The following CDH3 variants were observed in gnomAD, a reference collection of about 807,000 sequenced individuals.
The protein encoded by CDH3 is cadherin-3.
Under a neutral mutation model 82.0 loss-of-function variants are expected in CDH3, and 54 were observed. That is an observed-to-expected ratio of 0.66 (90% CI 0.53 to 0.83). The LOEUF is 0.83. Among genes scored for constraint, CDH3 ranks in the 40% least tolerant of loss-of-function variants. The pLI is 0.00. For missense variants in CDH3, 1,054 were observed against 1,084.6 expected, an observed-to-expected ratio of 0.97 and a Z score of 0.40; for synonymous variants, 446 against 437.9, an observed-to-expected ratio of 1.02 and a Z score of -0.23.
chr16:68,724,167 G>A (rs547655468), intron 2 of CDH3, among the ~76,000 whole-genome samples: 15 of 152,040 alleles, frequency 9.9e-5, no homozygotes, highest in Non-Finnish European at 2.1e-4. Flanking sequence ...CCTAGGAGGT[G>A]GAGGTTGCAG....
At chr16:68,729,538 A>G (rs896352870), downstream of CDH3, among the ~76,000 whole-genome samples, 1 of 152,206 alleles carries the variant, frequency 6.6e-6, no homozygotes, top group Non-Finnish European at 1.5e-5. Flanking sequence ...AAAAAGATGA[A>G]CAAAAAGGGA....
intron 2 of CDH3, among the ~76,000 whole-genome samples, chr16:68,666,413 C>T (rs1364316912): frequency 2.6e-5 from 4 of 152,174 alleles, no homozygotes; most frequent in African/African-American, 9.7e-5. Context: ...CTGCCCCAAG[C>T]TTGCTAGGCA....
At chr16:68,648,767 C>T (rs1960153582) in intron 2 of CDH3, among the ~76,000 whole-genome samples, 1 of 152,022 alleles carries the variant, frequency 6.6e-6, no homozygotes, top group Non-Finnish European at 1.5e-5. Flanking sequence ...TTTTTTACTA[C>T]CAGAAAGCAG....
chr16:68,657,383 G>A (rs946595612), intron 2 of CDH3, among the ~76,000 whole-genome samples: 7 of 152,222 alleles, frequency 4.6e-5, no homozygotes, highest in African/African-American at 7.2e-5. Flanking sequence ...GCATGGTGGC[G>A]TGTGCCTGTA....
the CDH3 span, among the ~76,000 whole-genome samples, chr16:68,733,003 T>C: frequency 5.3e-5 from 8 of 151,732 alleles, no homozygotes; most frequent in Non-Finnish European, 1.2e-4. Flanking sequence ...CAGCTCACAA[T>C]TTTTCCTAGA....
At position 68,689,687 on chromosome 16, in the gene CDH3, G is replaced by T. The variant is rs1346789581; in HGVS notation, c.1795+1951G>T. Among the ~76,000 whole-genome samples the T allele has an allele frequency of 2.0e-5, 3 of 152,168 alleles. No individual in the cohort carries two copies. In the East Asian group the frequency reaches 5.8e-4, roughly 29 times the overall value. ...GTTGGCCACTCCACATGGTCGACTA[G>T]TTGTTCAGACTGGAGAGCTGTCTCT... On this transcript the variant is annotated intron_variant, in intron 12 of 15. Coordinates refer to ENST00000264012, the MANE Select transcript of CDH3 (RefSeq NM_001793.6).
chr16:68,648,334 T>C (rs958693410), intron 2 of CDH3, among the ~76,000 whole-genome samples: 6 of 152,308 alleles, frequency 3.9e-5, no homozygotes, highest in Admixed American at 3.9e-4. Context: ...TTTGACAACC[T>C]TGTGAAGGGC....
At chr16:68,694,807 G>T (rs1412976792) in intron 13 of CDH3, among the ~76,000 whole-genome samples, 1 of 152,106 alleles carries the variant, frequency 6.6e-6, no homozygotes, top group East Asian at 1.9e-4. Context: ...CCCGACGAAA[G>T]GTTTTCTTAA....
At chr16:68,695,229 G>A (rs1282872427) in intron 13 of CDH3, 26 bp from the exon 14 acceptor site, 2 of 1,613,980 alleles carry the variant, frequency 1.2e-6, no homozygotes, top group Admixed American at 1.7e-5. Context: ...TACAGAGGGA[G>A]CACTCACACT....
intron 1 of CDH3, among the ~76,000 whole-genome samples, chr16:68,706,768 G>A (rs950321001): frequency 1.3e-5 from 2 of 151,846 alleles, no homozygotes; most frequent in Non-Finnish European, 2.9e-5. Flanking sequence ...TGGTCAGGCT[G>A]GTCTCGAACT....
chr16:68,695,223 G>T, intron 13 of CDH3, 32 bp from the exon 14 acceptor site: 1 of 1,613,734 alleles, frequency 6.2e-7, no homozygotes, highest in Non-Finnish European at 8.5e-7. Context: ...TGTGGTTACA[G>T]AGGGAGCACT....
intron 9 of CDH3, among the ~76,000 whole-genome samples, chr16:68,683,833 C>T (rs915074636): frequency 4.6e-5 from 7 of 151,526 alleles, no homozygotes; most frequent in East Asian, 1.9e-4. Context: ...TTTGGGAGGC[C>T]GAGGCAGACA....
chr16:68,680,837 G>C (rs1228676641), intron 7 of CDH3, 131 bp from the exon 8 acceptor site: 1 of 995,730 alleles, frequency 1.0e-6, no homozygotes, highest in African/African-American at 1.6e-5. Context: ...GGGTGGTCAA[G>C]GAGTCAGCGT....
chr16:68,721,871 CT>C (rs1432209538), intron 1 of CDH3, among the ~76,000 whole-genome samples: 1 of 152,090 alleles, frequency 6.6e-6, no homozygotes, highest in African/African-American at 2.4e-5. Flanking sequence ...GGGCAGATCA[CT>C]TGACGTCAGG....
At chr16:68,675,141 GA>G (rs957141530) in intron 2 of CDH3, among the ~76,000 whole-genome samples, 1,645 of 145,376 alleles carry the variant, frequency 0.011, 13 homozygotes, top group African/African-American at 0.029. Context: ...AAAATTGAAA[GA>G]AAAAAAAAAC....
rs199631567 is a variant in CDH3 at position 68,654,711 on chromosome 16, A to T, written c.160+8961A>T. ...GAGCAAGACTCTGTCTCAAAAAAAA[A>T]AAATATATATATATATATATATATT... On this transcript the variant is annotated intron_variant, in intron 2 of 15. Coordinates refer to ENST00000264012, the MANE Select transcript of CDH3 (RefSeq NM_001793.6). 7.8e-3 allele frequency among the ~76,000 whole-genome samples: 1,037 copies of T among 132,266 alleles called. 18 individuals are homozygous for T. The highest frequency in any genetic ancestry group is 0.041 in the East Asian group (191 of 4,620). 86.8% of individuals were successfully genotyped at this position (132,266 alleles called of 152,430 possible).
At chr16:68,646,170 T>C in intron 2 of CDH3, 1 of 220,218 alleles carries the variant, frequency 4.5e-6, no homozygotes, top group Non-Finnish European at 9.1e-6. Flanking sequence ...TTGTGAACCG[T>C]GCTTTGTGTC....
At chr16:68,669,354 A>T (rs926127935) in intron 2 of CDH3, among the ~76,000 whole-genome samples, 1 of 152,184 alleles carries the variant, frequency 6.6e-6, no homozygotes, top group Non-Finnish European at 1.5e-5. Context: ...TGATGGGGCC[A>T]GCTCCTCAGA....
At chr16:68,686,029 G>C (rs547098282) in intron 11 of CDH3, among the ~76,000 whole-genome samples, 467 of 152,188 alleles carry the variant, frequency 3.1e-3, no homozygotes, top group Non-Finnish European at 5.6e-3. Flanking sequence ...AAAAATAAGA[G>C]TTAGGGCCGG....
Sources: allele counts gnomAD v4.1 joint callset (sites outside exome capture counted in the v4.1 genomes callset), GRCh38; gene constraint gnomAD v4.1.1; transcripts MANE v1.5; gene names NCBI Gene and HGNC (gene_info 2026-07-23, HGNC 2026-07-21).